Variants in NAALADL2 observed in about 807,000 individuals in gnomAD.
NAALADL2 encodes the protein N-acetylated alpha-linked acidic dipeptidase like 2.
A neutral mutation model predicts 87.2 loss-of-function variants in NAALADL2; 76 were observed. That is an observed-to-expected ratio of 0.87 (90% confidence interval 0.72 to 1.05). NAALADL2 has a LOEUF of 1.05. NAALADL2 is among the 50% of genes least tolerant of loss of function. The probability of loss-of-function intolerance (pLI) is 0.00; values close to 1 mark genes in which losing one functional copy is unlikely to be tolerated. For synonymous variants in NAALADL2, 354 were observed against 331.0 expected (o/e 1.07, Z -0.75); for missense variants, 1,089 against 945.8 (o/e 1.15, Z -1.99).
At chr3:175,170,257 A>G (rs1734603142) in intron 2 of NAALADL2, among the ~76,000 whole-genome samples, 1 of 151,458 alleles carries the variant, frequency 6.6e-6, no homozygotes, top group Non-Finnish European at 1.5e-5. Flanking sequence ...TCATTACATG[A>G]AAATAAATTG....
chr3:174,509,409 T>A (rs947401207), intron 1 of NAALADL2, among the ~76,000 whole-genome samples: 1 of 148,530 alleles, frequency 6.7e-6, no homozygotes, highest in African/African-American at 2.5e-5. Context: ...TCTTTCTTTT[T>A]TTTTTTTTTT....
At chr3:175,213,704 A>G (rs771827584) in intron 2 of NAALADL2, among the ~76,000 whole-genome samples, 1 of 152,186 alleles carries the variant, frequency 6.6e-6, no homozygotes, top group Non-Finnish European at 1.5e-5. Context: ...ATATTTAACC[A>G]TAGCAACCCA....
intron 2 of NAALADL2, among the ~76,000 whole-genome samples, chr3:175,131,765 CA>C (rs1727932775): frequency 6.9e-6 from 1 of 143,912 alleles, no homozygotes; most frequent in Non-Finnish European, 1.5e-5. Context: ...GCTGGCCGGG[CA>C]GGGGGCTGAC....
At chr3:175,027,635 T>C (rs1205861548) in intron 1 of NAALADL2, among the ~76,000 whole-genome samples, 1 of 152,116 alleles carries the variant, frequency 6.6e-6, no homozygotes, top group Non-Finnish European at 1.5e-5. Context: ...ATTTTCTCTG[T>C]CTCATCAATA....
chr3:174,966,644 A>G (rs1259277380), intron 1 of NAALADL2, among the ~76,000 whole-genome samples: 3 of 152,214 alleles, frequency 2.0e-5, no homozygotes, highest in African/African-American at 4.8e-5. Flanking sequence ...GGAAGAAACA[A>G]GATGAAGAGA....
chr3:175,136,316 C>T (rs1184138004), intron 2 of NAALADL2, among the ~76,000 whole-genome samples: 2 of 152,142 alleles, frequency 1.3e-5, no homozygotes, highest in Admixed American at 1.3e-4. Context: ...AGCAGTTTAT[C>T]ACTGTTTCAT....
intron 9 of NAALADL2, among the ~76,000 whole-genome samples, chr3:175,539,423 A>G (rs1056910520): frequency 1.2e-4 from 18 of 152,216 alleles, no homozygotes; most frequent in Non-Finnish European, 2.9e-5. Context: ...ATAGGGGCTA[A>G]GAAAACTGGT....
chr3:174,977,914 A>G (rs1164071453), intron 1 of NAALADL2, among the ~76,000 whole-genome samples: 1 of 152,242 alleles, frequency 6.6e-6, no homozygotes, highest in African/African-American at 2.4e-5. Flanking sequence ...CACTTTTGGA[A>G]TATTATAATC....
chr3:175,419,464 G>A (rs1002629164), intron 5 of NAALADL2, among the ~76,000 whole-genome samples: 3 of 151,758 alleles, frequency 2.0e-5, no homozygotes, highest in Non-Finnish European at 2.9e-5. Context: ...ATTATGAAGT[G>A]GTCTACTAGA....
intron 2 of NAALADL2, among the ~76,000 whole-genome samples, chr3:174,673,933 G>A (rs1216024833): frequency 9.2e-6 from 1 of 108,600 alleles, no homozygotes; most frequent in African/African-American, 3.0e-5. Context: ...TTGAAAAAAT[G>A]TTATGTATTA....
At chr3:175,099,457 A>G (rs1311682048) in intron 2 of NAALADL2, among the ~76,000 whole-genome samples, 1 of 152,170 alleles carries the variant, frequency 6.6e-6, no homozygotes, top group African/African-American at 2.4e-5. Context: ...CTTCTTCAAA[A>G]CAATTGTATT....
intron 1 of NAALADL2, among the ~76,000 whole-genome samples, chr3:174,544,347 A>C (rs931952344): frequency 6.6e-6 from 1 of 152,110 alleles, no homozygotes; most frequent in Non-Finnish European, 1.5e-5. Context: ...TTTTACATTT[A>C]TAACTATGTG....
chr3:175,780,522 T>G (rs1331925079), intron 13 of NAALADL2, among the ~76,000 whole-genome samples: 1 of 151,922 alleles, frequency 6.6e-6, no homozygotes, highest in Non-Finnish European at 1.5e-5. Flanking sequence ...TCCAAAATAC[T>G]GTCAGACAAG....
intron 11 of NAALADL2, among the ~76,000 whole-genome samples, chr3:175,719,028 T>C (rs1489279100): frequency 6.6e-6 from 1 of 152,150 alleles, no homozygotes; most frequent in Non-Finnish European, 1.5e-5. Flanking sequence ...AATGCTTTTT[T>C]AGTTGCGATT....
chr3:175,255,839 C>T (rs988276546), intron 3 of NAALADL2, among the ~76,000 whole-genome samples: 2 of 152,034 alleles, frequency 1.3e-5, no homozygotes, highest in African/African-American at 4.8e-5. Flanking sequence ...GTTCTAAAGT[C>T]CTGGGTTGCT....
At chr3:175,746,698 G>C (rs980847187) in intron 12 of NAALADL2, among the ~76,000 whole-genome samples, 4 of 152,162 alleles carry the variant, frequency 2.6e-5, no homozygotes. Flanking sequence ...TGACAAGGAC[G>C]TAAACTCTAA....
intron 2 of NAALADL2, among the ~76,000 whole-genome samples, chr3:174,718,748 T>C (rs1323092557): frequency 2.0e-5 from 3 of 152,164 alleles, no homozygotes; most frequent in Non-Finnish European, 2.9e-5. Context: ...GCCTACAAAA[T>C]AGCAATTCTC....
intron 5 of NAALADL2, among the ~76,000 whole-genome samples, chr3:175,397,836 A>G (rs1214721431): frequency 2.0e-5 from 3 of 152,150 alleles, no homozygotes; most frequent in African/African-American, 7.2e-5. Flanking sequence ...GAAGTGATGC[A>G]TTAATTTTCT....
At chr3:175,206,156 T>C (rs1740804127) in intron 2 of NAALADL2, among the ~76,000 whole-genome samples, 1 of 150,832 alleles carries the variant, frequency 6.6e-6, no homozygotes, top group South Asian at 2.1e-4. Flanking sequence ...TGCATGCTTA[T>C]AGCAGCACAA....
Sources: gnomAD v4.1 joint callset for allele counts (sites outside exome capture counted in the v4.1 genomes callset) on GRCh38, gnomAD v4.1.1 for gene constraint, MANE v1.5 for transcripts, NCBI Gene and HGNC (gene_info 2026-07-23, HGNC 2026-07-21) for gene names.